CERS6: variants seen among roughly 807,000 people sequenced by gnomAD.
CERS6 encodes ceramide synthase 6, also known as LAG1 homolog, ceramide synthase 6.
CERS6 carries 26 observed loss-of-function variants against 56.8 expected under a neutral mutation model. The observed-to-expected ratio is 0.46, with a 90% CI of 0.34 to 0.63. The LOEUF is 0.63. Among genes scored for constraint, CERS6 ranks in the 30% least tolerant of loss-of-function variants. CERS6 has a pLI of 0.01. For missense variants in CERS6, 415 were observed against 467.5 expected, an observed-to-expected ratio of 0.89 and a Z score of 1.04; for synonymous variants, 164 against 173.3, an observed-to-expected ratio of 0.95 and a Z score of 0.42.
chr2:168,459,379 C>T (rs564237454), intron 1 of CERS6, among the ~76,000 whole-genome samples: 4 of 152,268 alleles, frequency 2.6e-5, no homozygotes, highest in East Asian at 1.9e-4. Context: ...ATTTTCATCC[C>T]GGCTGTTGTG....
chr2:168,701,105 G>A (rs761515931), intron 6 of CERS6, among the ~76,000 whole-genome samples: 6 of 152,120 alleles, frequency 3.9e-5, no homozygotes, highest in Admixed American at 1.3e-4. Flanking sequence ...GGGCTGCTCC[G>A]TCAGCCTGGG....
intron 3 of CERS6, among the ~76,000 whole-genome samples, chr2:168,572,296 G>A (rs755589180): frequency 1.3e-5 from 2 of 152,096 alleles, no homozygotes; most frequent in African/African-American, 4.8e-5. Flanking sequence ...GGGGAAAGAA[G>A]TATTTATTGA....
chr2:168,667,567 G>A (rs1321640888), intron 4 of CERS6, among the ~76,000 whole-genome samples: 1 of 151,490 alleles, frequency 6.6e-6, no homozygotes, highest in East Asian at 1.9e-4. Context: ...TTGGCTATTA[G>A]GCGGCTTTTT....
Position 168,751,400 on chromosome 2 carries a change from C to G in CERS6, c.846-14192C>G, listed in dbSNP as rs75397325. Among the ~76,000 whole-genome samples the G allele has an allele frequency of 4.1e-4, 63 of 152,286 alleles. No individual in the cohort carries two copies. The East Asian group carries it at 8.5e-3, about 21-fold the overall frequency. ...TCTGCTATGGGAGCCCATGCCACTT[C>G]AGTAAATAAATTAAGCTTTGTTCTC... is the stretch of plus-strand genomic sequence containing the variant. On this transcript the variant is annotated intron_variant, in intron 8 of 9. Transcript: ENST00000305747.
intron 1 of CERS6, among the ~76,000 whole-genome samples, chr2:168,513,502 A>C (rs1694831935): frequency 6.6e-6 from 1 of 152,154 alleles, no homozygotes; most frequent in Non-Finnish European, 1.5e-5. Flanking sequence ...ATTTTGTAGA[A>C]TGTCCCTCAG....
intron 3 of CERS6, among the ~76,000 whole-genome samples, chr2:168,587,453 G>A (rs2105400570): frequency 6.6e-6 from 1 of 152,288 alleles, no homozygotes; most frequent in African/African-American, 2.4e-5. Flanking sequence ...GCCAGAGATG[G>A]AGTTGAAAAT....
At chr2:168,481,272 A>G (rs1209949423) in intron 1 of CERS6, among the ~76,000 whole-genome samples, 2 of 152,146 alleles carry the variant, frequency 1.3e-5, no homozygotes, top group East Asian at 3.8e-4. Flanking sequence ...AAAATTTGTC[A>G]GGCGTGGTGG....
intron 3 of CERS6, among the ~76,000 whole-genome samples, chr2:168,589,015 C>T (rs1683611715): frequency 6.6e-6 from 1 of 152,232 alleles, no homozygotes; most frequent in Non-Finnish European, 1.5e-5. Context: ...GCTAGGACTA[C>T]AGTTGTGGGC....
At chr2:168,496,279 A>G (rs564325032) in intron 1 of CERS6, among the ~76,000 whole-genome samples, 3 of 152,304 alleles carry the variant, frequency 2.0e-5, no homozygotes, top group South Asian at 2.1e-4. Context: ...TACCTGTACA[A>G]TGACACTAGT....
intron 1 of CERS6, among the ~76,000 whole-genome samples, chr2:168,498,769 G>T (rs184658632): frequency 3.6e-4 from 55 of 152,302 alleles, no homozygotes; most frequent in Admixed American, 3.3e-3. Context: ...GCGCTGAAAC[G>T]CAGAAGGGAT....
intron 1 of CERS6, among the ~76,000 whole-genome samples, chr2:168,506,264 G>T (rs889220735): frequency 6.6e-5 from 10 of 152,176 alleles, no homozygotes; most frequent in African/African-American, 2.4e-4. Context: ...CAAATCAATT[G>T]AGAAAATCAA....
At chr2:168,616,284 C>A (rs1186305873) in intron 3 of CERS6, among the ~76,000 whole-genome samples, 2 of 151,996 alleles carry the variant, frequency 1.3e-5, no homozygotes, top group Non-Finnish European at 1.5e-5. Flanking sequence ...GCATAAATCT[C>A]ACAGGATCTA....
chr2:168,604,523 A>T (rs539151900), intron 3 of CERS6, among the ~76,000 whole-genome samples: 2 of 152,166 alleles, frequency 1.3e-5, no homozygotes, highest in Non-Finnish European at 2.9e-5. Flanking sequence ...TCCCCAGCCA[A>T]ATCTCATGTT....
intron 4 of CERS6, among the ~76,000 whole-genome samples, chr2:168,636,931 A>G (rs1388425807): frequency 3.3e-5 from 5 of 152,142 alleles, no homozygotes; most frequent in Non-Finnish European, 7.4e-5. Flanking sequence ...TCTGCCATTA[A>G]TCAGCTTTGT....
chr2:168,611,854 A>G (rs1684196943), intron 3 of CERS6, among the ~76,000 whole-genome samples: 1 of 152,048 alleles, frequency 6.6e-6, no homozygotes. Flanking sequence ...CTGCTTAACC[A>G]CTTTGTAAGA....
At chr2:168,546,838 C>A (rs548900998) in intron 1 of CERS6, among the ~76,000 whole-genome samples, 12 of 152,202 alleles carry the variant, frequency 7.9e-5, no homozygotes, top group African/African-American at 2.9e-4. Context: ...AGCAATGTCC[C>A]CACACCTTTG....
intron 1 of CERS6, among the ~76,000 whole-genome samples, chr2:168,518,131 A>G (rs1244934744): frequency 1.3e-5 from 2 of 152,228 alleles, no homozygotes; most frequent in Admixed American, 1.3e-4. Context: ...TTGGGAATCT[A>G]GTTTAGGGCC....
intron 1 of CERS6, among the ~76,000 whole-genome samples, chr2:168,497,297 C>T (rs1317679871): frequency 6.6e-6 from 1 of 151,916 alleles, no homozygotes; most frequent in African/African-American, 2.4e-5. Flanking sequence ...TGACTGAGCA[C>T]CTTCTGTGTG....
Position 168,741,845 on chromosome 2 carries a change from T to G in CERS6, c.846-23747T>G, listed in dbSNP as rs562942141. On this transcript the variant is annotated intron_variant, in intron 8 of 9. Coordinates refer to ENST00000305747, the MANE Select transcript of CERS6 (RefSeq NM_203463.3). ...AGTAGCATTCTGAGTATTGATTCCT[T>G]GGTGCAGGAGGCATGGAAATAACAG... 1.3e-4 allele frequency among the ~76,000 whole-genome samples: 20 copies of G among 152,312 alleles called. No individual in the cohort carries two copies. In the East Asian group the frequency reaches 3.7e-3, roughly 28 times the overall value.
Sources: allele counts gnomAD v4.1 joint callset (sites outside exome capture counted in the v4.1 genomes callset), GRCh38; gene constraint gnomAD v4.1.1; transcripts MANE v1.5; gene names NCBI Gene and HGNC (gene_info 2026-07-23, HGNC 2026-07-21).